Variants in ABCC1 observed in about 807,000 individuals in gnomAD.
ABCC1 encodes the protein ATP binding cassette subfamily C member 1 (ABCC1 blood group), also known as multidrug resistance-associated protein 1.
ABCC1 carries 83 observed loss-of-function variants against 172.9 expected under a neutral mutation model. The observed-to-expected ratio is 0.48, with a 90% CI of 0.40 to 0.58. The LOEUF is 0.58. Ranked by LOEUF, ABCC1 falls within the 20% of genes least tolerant of loss-of-function variation. ABCC1 has a pLI of 0.00. For synonymous variants in ABCC1, 937 were observed against 825.2 expected, an observed-to-expected ratio of 1.14 and a Z score of -2.32; for missense variants, 1,817 against 2,002.7, an observed-to-expected ratio of 0.91 and a Z score of 1.77.
At chr16:16,038,115 C>T (rs958458043) in intron 7 of ABCC1, among the ~76,000 whole-genome samples, 2 of 151,496 alleles carry the variant, frequency 1.3e-5, no homozygotes, top group African/African-American at 2.4e-5. Flanking sequence ...AGATGATAGA[C>T]GGATAGTTGG....
At chr16:16,095,618 T>C (rs146736509) in intron 19 of ABCC1, among the ~76,000 whole-genome samples, 1 of 152,362 alleles carries the variant, frequency 6.6e-6, no homozygotes, top group African/African-American at 2.4e-5. Context: ...AATTCTTCCC[T>C]TGTCCTCTTG....
intron 5 of ABCC1, among the ~76,000 whole-genome samples, chr16:16,031,038 G>A (rs1406350966): frequency 1.3e-5 from 2 of 151,944 alleles, no homozygotes; most frequent in Admixed American, 6.6e-5. Context: ...TGGTAGAGAC[G>A]AGGTTTCATC....
intron 8 of ABCC1, among the ~76,000 whole-genome samples, chr16:16,045,144 A>G (rs932815788): frequency 2.7e-4 from 41 of 152,112 alleles, no homozygotes; most frequent in African/African-American, 8.9e-4. Context: ...GCTCATGCCT[A>G]TAATCCCAGC....
chr16:15,974,150 C>T (rs901619935), intron 1 of ABCC1, among the ~76,000 whole-genome samples: 3 of 152,148 alleles, frequency 2.0e-5, no homozygotes, highest in Admixed American at 6.5e-5. Context: ...GAGAGTATTC[C>T]TGGGACCTGG....
chr16:16,011,691 A>G (rs981805258), intron 3 of ABCC1, among the ~76,000 whole-genome samples: 16 of 151,516 alleles, frequency 1.1e-4, no homozygotes, highest in African/African-American at 3.6e-4. Context: ...TCCCCCCGAG[A>G]TGGAGTTTCG....
At chr16:15,956,872 A>G (rs1047680583) in intron 1 of ABCC1, among the ~76,000 whole-genome samples, 2 of 152,072 alleles carry the variant, frequency 1.3e-5, no homozygotes, top group Non-Finnish European at 2.9e-5. Context: ...GCATAATCTG[A>G]GTATAAGTGG....
At chr16:16,010,653 A>G (rs4781717) in intron 3 of ABCC1, among the ~76,000 whole-genome samples, 59,479 of 151,680 alleles carry the variant, frequency 0.39, 14,095 homozygotes, top group Non-Finnish European at 0.53. Flanking sequence ...GCTGGTGTGT[A>G]TTGAGCACTT....
rs549814179 is a variant in ABCC1, at chr16:15,952,609, C to T, written c.48+2810C>T. ...GGCCTGAGGACAGGTCACAGCAGCC[C>T]TTGGCTTTCTTTTCTCATGGGGGTG... On this transcript the variant is annotated intron_variant, in intron 1 of 30. Transcript: ENST00000399410. Among the ~76,000 whole-genome samples, 14 of 151,298 alleles carry T rather than the reference C, an allele frequency of 9.3e-5. No individual in the cohort carries two copies. In the East Asian group the frequency reaches 2.7e-3, roughly 29 times the overall value.
chr16:16,047,377 C>T (rs45569637), intron 9 of ABCC1, among the ~76,000 whole-genome samples: 1,587 of 152,174 alleles, frequency 0.01, 19 homozygotes, highest in African/African-American at 0.034. Flanking sequence ...CTGCAGCCTC[C>T]ACCTCCTGGG....
At position 16,111,505 on chromosome 16, in the gene ABCC1, A is replaced by G; in HGVS notation, c.3002A>G (p.Asp1001Gly). The change falls in exon 22 of 31, where the codon GAT (aspartate) becomes GGT (glycine). Residue 1001 changes from aspartate to glycine, a missense_variant. Asp to Gly is a moderately conservative substitution (Grantham distance 94, BLOSUM62 -1). Around this residue, in one of 3 missense-constraint regions of ABCC1, gnomAD observed 1,412 missense variants for 1,600.3 expected, o/e 0.88. Coordinates refer to ENST00000399410, the MANE Select transcript of ABCC1 (RefSeq NM_004996.4). Reference sequence around the variant, plus strand: ...AACTATTGGCTCAGCCTCTGGACTGATGACCCCATCGTCAACGGGACTCAG... The same window carrying G: ...AACTATTGGCTCAGCCTCTGGACTGGTGACCCCATCGTCAACGGGACTCAG... The part of the protein sequence containing the change: ...ASNYWLSLWT[D>G]DPIVNGTQEH... The G allele has an allele frequency of 1.9e-6, 3 of 1,614,144 alleles. No individual in the cohort carries two copies. Among genetic ancestry groups the G allele is most frequent in the East Asian group, 2.2e-5 (1 of 44,882 alleles).
At chr16:15,994,130 G>T (rs1004235964) in intron 1 of ABCC1, among the ~76,000 whole-genome samples, 2 of 152,204 alleles carry the variant, frequency 1.3e-5, no homozygotes, top group Admixed American at 6.5e-5. Flanking sequence ...TGAGGCAGGA[G>T]GATTGCTGGA....
At chr16:16,111,966 G>A (rs1251241345) in intron 22 of ABCC1, among the ~76,000 whole-genome samples, 4 of 152,102 alleles carry the variant, frequency 2.6e-5, no homozygotes, top group Non-Finnish European at 4.4e-5. Context: ...GCGGAAATTG[G>A]CTTATACTAG....
intron 1 of ABCC1, among the ~76,000 whole-genome samples, chr16:15,955,277 G>A (rs1188054513): frequency 2.6e-5 from 4 of 152,148 alleles, no homozygotes. Flanking sequence ...AATCGCTTGA[G>A]CCCAGTGGGG....
At chr16:15,986,756 G>A (rs951621366) in intron 1 of ABCC1, among the ~76,000 whole-genome samples, 10 of 152,168 alleles carry the variant, frequency 6.6e-5, no homozygotes, top group East Asian at 1.9e-4. Flanking sequence ...TTCTGGGGAC[G>A]GGGATGTAGG....
intron 1 of ABCC1, among the ~76,000 whole-genome samples, chr16:15,996,258 C>G (rs557471450): frequency 6.6e-6 from 1 of 152,248 alleles, no homozygotes. Flanking sequence ...GCTGGGATTA[C>G]AGGCGTGAAC....
chr16:16,009,324 T>C (rs2047679965), intron 2 of ABCC1, among the ~76,000 whole-genome samples: 1 of 152,152 alleles, frequency 6.6e-6, no homozygotes. Context: ...TCTGTATGCA[T>C]GCTATAATTT....
Position 16,115,204 on chromosome 16 carries a change from G to A in ABCC1, c.3390+128G>A, listed in dbSNP as rs977876618. 1.6e-5 allele frequency: 18 copies of A among 1,103,428 alleles called. No individual in the cohort carries two copies. The East Asian group carries it at 4.2e-4, about 26-fold the overall frequency. The allele number at this position is 1,103,428 out of a possible 1,614,324, so 68.4% of individuals were successfully genotyped here. A position where few individuals can be genotyped will look rare whatever the true frequency, so the allele number is the denominator to read the frequency against. ...TTTTGAAGCATGTAGATTTGTTTTT[G>A]TCAGTTTCGAATACCTAAATTGTTT... On this transcript the variant is annotated intron_variant, in intron 23 of 30. Coordinates refer to ENST00000399410, the MANE Select transcript of ABCC1 (RefSeq NM_004996.4).
chr16:16,025,526 G>A lies in ABCC1; in HGVS notation c.616-7583G>A, dbSNP rs181911789. Among the ~76,000 whole-genome samples, 7 of 152,338 alleles carry A rather than the reference G, an allele frequency of 4.6e-5. No individual in the cohort carries two copies. The East Asian group carries it at 7.7e-4, about 17-fold the overall frequency. ...CTGCACGCATTGCCTCCTGCTGGGT[G>A]CAGGGGTTGTGGGGGGCACTTTGGC... On this transcript the variant is annotated intron_variant, in intron 5 of 30. Coordinates refer to ENST00000399410, the MANE Select transcript of ABCC1 (RefSeq NM_004996.4).
At position 15,951,188 on chromosome 16, in the gene ABCC1, T is replaced by C. The variant is rs542686367; in HGVS notation, c.48+1389T>C. Among the ~76,000 whole-genome samples, 96 of 152,288 alleles carry C rather than the reference T, an allele frequency of 6.3e-4. 1 individual carries two copies. The South Asian group carries it at 6.6e-3, about 11-fold the overall frequency. ...AAAGATTCACATGGTGATCTGGGTT[T>C]GTGTTGCTGTGAATTCCAGAATATT... On this transcript the variant is annotated intron_variant, in intron 1 of 30. Transcript: ENST00000399410.
Sources: gnomAD v4.1 joint callset for allele counts (sites outside exome capture counted in the v4.1 genomes callset) on GRCh38, gnomAD v4.1.1 for gene constraint, gnomAD v4.1.1 regional missense constraint, MANE v1.5 for transcripts, NCBI Gene and HGNC (gene_info 2026-07-23, HGNC 2026-07-21) for gene names.